The following TMEM269 variants were observed in gnomAD, a reference collection of about 807,000 sequenced individuals.
TMEM269 encodes transmembrane protein 269.
A neutral mutation model predicts 15.8 loss-of-function variants in TMEM269; 12 were observed. The ratio of observed to expected loss-of-function variants is 0.76; its 90% CI spans 0.49 to 1.23. The LOEUF (loss-of-function observed/expected upper bound fraction) is 1.23. Ranked by LOEUF, TMEM269 falls within the 50% of genes most tolerant of loss-of-function variation. The pLI, the probability that TMEM269 is intolerant of heterozygous loss-of-function variation, is 0.00. For synonymous variants in TMEM269, 93 were observed against 99.3 expected (o/e 0.94, Z 0.38); for missense variants, 211 against 245.4 (o/e 0.86, Z 0.94).
intron 2 of TMEM269, among the ~76,000 whole-genome samples, chr1:42,790,348 G>A (rs1205595189): frequency 6.6e-6 from 1 of 151,996 alleles, no homozygotes; most frequent in Admixed American, 6.6e-5. Context: ...AATGTTTTTG[G>A]GATGTCAGTC....
rs1557594606 is a variant in TMEM269 at position 42,799,615 on chromosome 1, GC to G, written c.*1392del. On this transcript the variant is annotated 3_prime_UTR_variant, in exon 6 of 6. Coordinates refer to ENST00000637012, the MANE Select transcript of TMEM269 (RefSeq NM_001354602.2). The stretch of plus-strand genomic sequence containing the variant: ...TTGTATTTTTGCTATCTGCCATAGT[GC>G]CTGACACTCAGAAATGTTCCCTTTG... 6.6e-6 allele frequency: 1 copy of G among 152,152 alleles called. No individual in the cohort carries two copies. The highest frequency in any genetic ancestry group is 1.5e-5 in the Non-Finnish European group (1 of 68,038). 9.4% of individuals were successfully genotyped at this position (152,152 alleles called of 1,614,324 possible). A position where few individuals can be genotyped will look rare whatever the true frequency, so the allele number is the denominator to read the frequency against.
Position 42,798,485 on chromosome 1 carries a change from A to G in TMEM269, c.*260A>G, listed in dbSNP as rs964944238. The G allele has an allele frequency of 8.2e-5, 34 of 415,232 alleles. No homozygotes were observed. Among genetic ancestry groups the G allele is most frequent in the East Asian group, 4.0e-4 (9 of 22,412 alleles). The allele number at this position is 415,232 out of a possible 1,614,324, so 25.7% of individuals were successfully genotyped here. A position where few individuals can be genotyped will look rare whatever the true frequency, so the allele number is the denominator to read the frequency against. ...AGAATATCCCCCCGCCTCAAGCTCA[A>G]TGTGGGCTGGGTTTGGGTTCCAGCT... On this transcript the variant is annotated 3_prime_UTR_variant, in exon 6 of 6. Transcript: ENST00000637012.
chr1:42,786,226 T>C (rs1471910275), intron 1 of TMEM269, among the ~76,000 whole-genome samples: 1 of 152,154 alleles, frequency 6.6e-6, no homozygotes, highest in African/African-American at 2.4e-5. Context: ...GTGATGTTAA[T>C]TTAACAAACA....
intron 1 of TMEM269, chr1:42,789,212 C>T (rs1653602964): frequency 3.6e-6 from 2 of 559,220 alleles, no homozygotes; most frequent in South Asian, 4.4e-5. Flanking sequence ...CATGAGCCAC[C>T]GTGTCCGGCT....
At position 42,794,415 on chromosome 1, in the gene TMEM269, G is replaced by A; in HGVS notation, c.286G>A (p.Val96Ile). Residue 96 changes from valine to isoleucine, a missense_variant and splice_region_variant, in exon 5 of 6, where the codon GTC (valine) becomes ATC (isoleucine). By Grantham distance (29) the Val-to-Ile change is conservative. Coordinates refer to ENST00000637012, the MANE Select transcript of TMEM269 (RefSeq NM_001354602.2). ...SFHLCFYSPG[V>I]PSTYKGLPCP... ...ATCTCCAGCGTTCTTCCTGGCAGGA[G>A]TCCCCTCCACATACAAGGGTCTACC... The A allele has an allele frequency of 1.9e-6, 3 of 1,550,186 alleles. No homozygotes were observed. The highest frequency in any genetic ancestry group is 2.6e-6 in the Non-Finnish European group (3 of 1,146,726).
rs369609970 is a variant in TMEM269, at chr1:42,789,071, C to A, written c.-98-725C>A. 1.8e-4 allele frequency among the ~76,000 whole-genome samples: 27 copies of A among 151,990 alleles called. No individual in the cohort carries two copies. In the East Asian group the frequency reaches 3.9e-3, roughly 22 times the overall value. ...CTGAGTAGCTGGGATTACAGGCATGCACCGCCACACCCGGCTAATTTTTGT... is the reference window on the plus strand; with the variant it reads ...CTGAGTAGCTGGGATTACAGGCATGAACCGCCACACCCGGCTAATTTTTGT... On this transcript the variant is annotated intron_variant, in intron 1 of 5. Transcript: ENST00000637012.
intron 1 of TMEM269, among the ~76,000 whole-genome samples, chr1:42,787,719 G>A (rs1653571046): frequency 1.3e-5 from 2 of 150,944 alleles, no homozygotes; most frequent in Admixed American, 1.3e-4. Flanking sequence ...TAATGAAAGA[G>A]ATAATATAGT....
intron 1 of TMEM269, among the ~76,000 whole-genome samples, chr1:42,785,969 G>A (rs1182257718): frequency 6.6e-6 from 1 of 152,094 alleles, no homozygotes; most frequent in Admixed American, 6.5e-5. Flanking sequence ...CCTGGCTCTT[G>A]TTCTCCTCAT....
At chr1:42,792,544 G>A (rs1355905035) in intron 2 of TMEM269, among the ~76,000 whole-genome samples, 1 of 152,148 alleles carries the variant, frequency 6.6e-6, no homozygotes, top group African/African-American at 2.4e-5. Context: ...GTTCTAGGGG[G>A]TTTGGGGCAC....
In TMEM269 at chr1:42,792,918, A is replaced by AGGCCCCT; in HGVS notation, c.139+17_139+23dup. On this transcript the variant is annotated intron_variant, in intron 3 of 5. Coordinates refer to ENST00000637012, the MANE Select transcript of TMEM269 (RefSeq NM_001354602.2). ...TCCAAATTGGGTGAGTTCAGGCCCC[A>AGGCCCCT]GGCCCCTAATCCTTGCCCCCAGTAG... The AGGCCCCT allele has an allele frequency of 6.5e-7, 1 of 1,542,038 alleles. No homozygotes were observed. Among genetic ancestry groups the AGGCCCCT allele is most frequent in the Non-Finnish European group, 8.8e-7 (1 of 1,139,572 alleles).
At chr1:42,794,185 GC>G (rs1399719362) in intron 4 of TMEM269, among the ~76,000 whole-genome samples, 1 of 152,140 alleles carries the variant, frequency 6.6e-6, no homozygotes, top group African/African-American at 2.4e-5. Context: ...CTTCCTAGGA[GC>G]CAGGGCACAC....
Position 42,796,184 on chromosome 1 carries a change from G to GCCCTTCTCCTCCACCTC in TMEM269, c.484+1582_484+1598dup, listed in dbSNP as rs1553147045. On this transcript the variant is annotated intron_variant, in intron 5 of 5. Transcript: ENST00000637012. ...CACAGATGTGTCCATTTCTAGCCTCGCCCTTCTCCTCCACCTCCCCTTCTC... is the reference window on the plus strand; with the variant it reads ...CACAGATGTGTCCATTTCTAGCCTCGCCCTTCTCCTCCACCTCCCCTTCTCCTCCACCTCCCCTTCTC... Among the ~76,000 whole-genome samples, 8 of 152,212 alleles carry GCCCTTCTCCTCCACCTC rather than the reference G, an allele frequency of 5.3e-5. No individual in the cohort carries two copies. The East Asian group carries it at 1.3e-3, about 26-fold the overall frequency.
At position 42,799,377 on chromosome 1, in the gene TMEM269, C is replaced by T. The variant is rs565546005; in HGVS notation, c.*1152C>T. 2 of 152,122 alleles carry T rather than the reference C, an allele frequency of 1.3e-5. No homozygotes were observed. Among genetic ancestry groups the T allele is most frequent in the East Asian group, 1.9e-4 (1 of 5,170 alleles). 9.4% of individuals were successfully genotyped at this position (152,122 alleles called of 1,614,324 possible). Reference sequence around the variant, plus strand: ...CACCCTCAGAGACTGTGCCAGAACACCTTCTACCCTGGATATAACTTTTTT... The same window carrying T: ...CACCCTCAGAGACTGTGCCAGAACATCTTCTACCCTGGATATAACTTTTTT... On this transcript the variant is annotated 3_prime_UTR_variant, in exon 6 of 6. Coordinates refer to ENST00000637012, the MANE Select transcript of TMEM269 (RefSeq NM_001354602.2).
At chr1:42,789,764 G>A (rs565543198) in intron 1 of TMEM269, 32 bp from the exon 2 acceptor site, 2 of 1,261,130 alleles carry the variant, frequency 1.6e-6, no homozygotes, top group East Asian at 5.1e-5. Context: ...CTTAACCTTG[G>A]GAACCCTTCG....
rs1653590642 is a variant in TMEM269 at position 42,788,663 on chromosome 1, CA to C, written c.-98-1132del. ...CCTGGCCATTGAGCTCGTTCACTGC[CA>C]TATCCCACACACCTCCTCCTGCTGA... On this transcript the variant is annotated intron_variant, in intron 1 of 5. Transcript: ENST00000637012. The surrounding 1 kb of genome is among the most constrained non-coding windows in gnomAD (Gnocchi z 4.0). Among the ~76,000 whole-genome samples, 1 of 152,324 alleles carries C rather than the reference CA, an allele frequency of 6.6e-6. No individual in the cohort carries two copies. Among genetic ancestry groups the C allele is most frequent in the East Asian group, 1.9e-4 (1 of 5,180 alleles).
rs1157216881 is a variant in TMEM269, at chr1:42,798,308, T to A, written c.*83T>A. On this transcript the variant is annotated 3_prime_UTR_variant, in exon 6 of 6. Transcript: ENST00000637012. ...TTGGGTCAAGCCTGCACTAAAGCTT[T>A]GTATGTACCTGTGTTGCCATATACT... is the stretch of plus-strand genomic sequence containing the variant. 3 of 1,501,252 alleles carry A rather than the reference T, an allele frequency of 2.0e-6. No homozygotes were observed. The highest frequency in any genetic ancestry group is 2.7e-6 in the Non-Finnish European group (3 of 1,120,390). The allele number at this position is 1,501,252 out of a possible 1,614,324, so 93.0% of individuals were successfully genotyped here. A position where few individuals can be genotyped will look rare whatever the true frequency, so the allele number is the denominator to read the frequency against.
chr1:42,798,339 T>C lies in TMEM269; in HGVS notation c.*114T>C, dbSNP rs1057376128. On this transcript the variant is annotated 3_prime_UTR_variant, in exon 6 of 6. Coordinates refer to ENST00000637012, the MANE Select transcript of TMEM269 (RefSeq NM_001354602.2). The stretch of plus-strand genomic sequence containing the variant: ...TACCTGTGTTGCCATATACTAGATA[T>C]ATGGTATGTCTGTTGCCATGAAGTT... 3.7e-6 allele frequency: 5 copies of C among 1,342,402 alleles called. No individual in the cohort carries two copies. Among genetic ancestry groups the C allele is most frequent in the Non-Finnish European group, 5.0e-6 (5 of 996,084 alleles). 83.2% of individuals were successfully genotyped at this position (1,342,402 alleles called of 1,614,324 possible).
chr1:42,793,979 G>A (rs1289604657), intron 4 of TMEM269, among the ~76,000 whole-genome samples: 1 of 152,222 alleles, frequency 6.6e-6, no homozygotes, highest in Non-Finnish European at 1.5e-5. Context: ...CTTTCTCAAT[G>A]CGTGACCTGT....
chr1:42,789,905 G>A lies in TMEM269; in HGVS notation c.12G>A (p.Gly4=), dbSNP rs1653651684. The change falls in exon 2 of 6, where the codon GGG becomes GGA. Residue 4 remains glycine (G), a synonymous_variant. Coordinates refer to ENST00000637012, the MANE Select transcript of TMEM269 (RefSeq NM_001354602.2). MVL[G]LFSIIFSFSR... Reference sequence around the variant, plus strand: ...TATCTCTGGCCAACATGGTGCTGGGGCTCTTCTCCATCATCTTCAGCTTCA... The same window carrying A: ...TATCTCTGGCCAACATGGTGCTGGGACTCTTCTCCATCATCTTCAGCTTCA... The A allele has an allele frequency of 6.4e-7, 1 of 1,550,656 alleles. No homozygotes were observed. The highest frequency in any genetic ancestry group is 1.2e-5 in the South Asian group (1 of 84,058).
Sources: allele counts gnomAD v4.1 joint callset (sites outside exome capture counted in the v4.1 genomes callset), GRCh38; gene constraint gnomAD v4.1.1; non-coding constraint Gnocchi (gnomAD v3.1); transcripts MANE v1.5; gene names NCBI Gene and HGNC (gene_info 2026-07-23, HGNC 2026-07-21).